The following RASGEF1C variants were observed in gnomAD, a reference collection of about 807,000 sequenced individuals.
RASGEF1C encodes the protein ras-GEF domain-containing family member 1C.
RASGEF1C carries 27 observed loss-of-function variants against 58.1 expected under a neutral mutation model. The ratio of observed to expected loss-of-function variants is 0.46; its 90% CI spans 0.34 to 0.64. RASGEF1C has a LOEUF of 0.64. Among genes scored for constraint, RASGEF1C ranks in the 30% least tolerant of loss-of-function variants. RASGEF1C has a pLI of 0.01. For missense variants in RASGEF1C, 502 were observed against 605.1 expected, an observed-to-expected ratio of 0.83 and a Z score of 1.79; for synonymous variants, 243 against 246.3, an observed-to-expected ratio of 0.99 and a Z score of 0.13.
intron 1 of RASGEF1C, among the ~76,000 whole-genome samples, chr5:180,173,632 T>C (rs1354106306): frequency 6.6e-6 from 1 of 152,188 alleles, no homozygotes; most frequent in Admixed American, 6.5e-5. Flanking sequence ...CTGGTGCAGT[T>C]GGCCGGGCAC....
At chr5:180,159,034 C>CT (rs1390100226) in intron 1 of RASGEF1C, among the ~76,000 whole-genome samples, 18 of 150,328 alleles carry the variant, frequency 1.2e-4, no homozygotes, top group South Asian at 4.2e-4. Flanking sequence ...TCTATGAGGT[C>CT]TTTTTTTTTG....
At chr5:180,115,615 G>A (rs1296850561) in intron 10 of RASGEF1C, among the ~76,000 whole-genome samples, 3 of 152,152 alleles carry the variant, frequency 2.0e-5, no homozygotes, top group African/African-American at 2.4e-5. Context: ...CACAGAGCCC[G>A]CTACTTATGC....
chr5:180,117,069 A>G (rs558494779), intron 10 of RASGEF1C, among the ~76,000 whole-genome samples: 5 of 152,328 alleles, frequency 3.3e-5, no homozygotes, highest in African/African-American at 1.2e-4. Context: ...GCTCAGTGAC[A>G]TGAGGTTCCT....
rs143472985 is a variant in RASGEF1C, at chr5:180,137,857, C to T, written c.177+19G>A. On this transcript the variant is annotated intron_variant, in intron 2 of 13. Coordinates refer to ENST00000361132, the MANE Select transcript of RASGEF1C (RefSeq NM_175062.4). This position sits in a 1 kb window ranked among gnomAD's most constrained non-coding sequence, Gnocchi z 4.1. Reference sequence around the variant, plus strand: ...GTGGAGGAGAGCCCACTCTCCTGCCCGCTGGGTGGATCACCCACCTCGGGG... The same window carrying T: ...GTGGAGGAGAGCCCACTCTCCTGCCTGCTGGGTGGATCACCCACCTCGGGG... 378 of 1,608,930 alleles carry T rather than the reference C, an allele frequency of 2.3e-4. No homozygotes were observed. In the East Asian group the frequency reaches 3.6e-3, roughly 15 times the overall value.
At chr5:180,178,763 T>C (rs920961062) in intron 1 of RASGEF1C, among the ~76,000 whole-genome samples, 3 of 151,502 alleles carry the variant, frequency 2.0e-5, no homozygotes, top group Non-Finnish European at 4.4e-5. Flanking sequence ...GTGGGCGGGG[T>C]CCTTATTGGC....
intron 1 of RASGEF1C, among the ~76,000 whole-genome samples, chr5:180,171,398 A>T (rs1025646322): frequency 6.6e-6 from 1 of 152,124 alleles, no homozygotes; most frequent in Admixed American, 6.5e-5. Flanking sequence ...CTCCTCCTAC[A>T]GCCCGGGGAA....
Position 180,118,840 on chromosome 5 carries a change from T to G in RASGEF1C, c.934A>C (p.Arg312=). 6.2e-7 allele frequency: 1 copy of G among 1,614,192 alleles called. No homozygotes were observed. The highest frequency in any genetic ancestry group is 8.5e-7 in the Non-Finnish European group (1 of 1,180,020). Residue 312 remains arginine, a synonymous_variant, in exon 9 of 14, where the codon AGG becomes CGG. Coordinates refer to ENST00000361132, the MANE Select transcript of RASGEF1C (RefSeq NM_175062.4). ...ACTTTGGCCCAGGTCTTCTTCAGCCTGGAGACAGGGCTCATGTTCATGCCG... is the reference window on the plus strand; with the variant it reads ...ACTTTGGCCCAGGTCTTCTTCAGCCGGGAGACAGGGCTCATGTTCATGCCG... ...ISGMNMSPVS[R]LKKTWAKVRT... is the part of the protein sequence containing the mutation.
chr5:180,136,817 A>AG (rs1481506230), intron 3 of RASGEF1C: 15 of 422,516 alleles, frequency 3.6e-5, no homozygotes, highest in East Asian at 3.3e-4. Context: ...ACCCTGCCCC[A>AG]GGGGTGGGTC....
At chr5:180,142,188 CTCTG>C (rs1345759246) in intron 1 of RASGEF1C, among the ~76,000 whole-genome samples, 2 of 152,072 alleles carry the variant, frequency 1.3e-5, no homozygotes, top group Non-Finnish European at 2.9e-5. Context: ...CCATTTCTCC[CTCTG>C]TCTGCCTCGT....
chr5:180,121,637 T>TCACACACACACACACACA (rs762495633), intron 6 of RASGEF1C, among the ~76,000 whole-genome samples: 123 of 113,342 alleles, frequency 1.1e-3, no homozygotes, highest in Middle Eastern at 4.2e-3. Context: ...AAATGTAACT[T>TCACACACACACACACACA]CACACACACA....
rs1766611926 is a variant in RASGEF1C, at chr5:180,143,313, C to T, written c.-6-5255G>A. Among the ~76,000 whole-genome samples the T allele has an allele frequency of 6.6e-6, 1 of 152,228 alleles. No homozygotes were observed. Among genetic ancestry groups the T allele is most frequent in the Non-Finnish European group, 1.5e-5 (1 of 68,038 alleles). ...GGCGCTGGCAAAGTTTCTGGGACAG[C>T]ATGGCCCCAGCCCAACCCCTCTATG... On this transcript the variant is annotated intron_variant, in intron 1 of 13. Coordinates refer to ENST00000361132, the MANE Select transcript of RASGEF1C (RefSeq NM_175062.4). This position sits in a 1 kb window ranked among gnomAD's most constrained non-coding sequence, Gnocchi z 4.3.
chr5:180,122,024 G>A (rs1241476693), intron 6 of RASGEF1C, among the ~76,000 whole-genome samples: 2 of 152,190 alleles, frequency 1.3e-5, no homozygotes, highest in Admixed American at 1.3e-4. Context: ...GAGAAAATGT[G>A]TGTGACATCA....
At position 180,101,473 on chromosome 5, in the gene RASGEF1C, C is replaced by T. The variant is rs775775120; in HGVS notation, c.*28G>A. The T allele has an allele frequency of 6.2e-7, 1 of 1,609,122 alleles. No homozygotes were observed. The highest frequency in any genetic ancestry group is 8.5e-7 in the Non-Finnish European group (1 of 1,179,858). ...TGTGGACGGCTTCTGCGGGCTCCAG[C>T]TCTTCCTCGTCCCTCAGCTCAGCGC... On this transcript the variant is annotated 3_prime_UTR_variant, in exon 14 of 14. Coordinates refer to ENST00000361132, the MANE Select transcript of RASGEF1C (RefSeq NM_175062.4).
At chr5:180,171,661 C>A (rs1767110911) in intron 1 of RASGEF1C, among the ~76,000 whole-genome samples, 1 of 152,210 alleles carries the variant, frequency 6.6e-6, no homozygotes, top group Non-Finnish European at 1.5e-5. Context: ...GAGTCTAGGG[C>A]AAAAATAGCC....
chr5:180,123,476 AAAT>A (rs1488599024), intron 6 of RASGEF1C, among the ~76,000 whole-genome samples: 3 of 152,246 alleles, frequency 2.0e-5, no homozygotes, highest in East Asian at 1.9e-4. Flanking sequence ...AAATTTTTTG[AAAT>A]AATCTATGTT....
chr5:180,195,679 G>A (rs940954855), intron 1 of RASGEF1C, among the ~76,000 whole-genome samples: 11 of 151,978 alleles, frequency 7.2e-5, no homozygotes, highest in South Asian at 4.2e-4. Context: ...GGAGAATGGC[G>A]TGAACCCGGG....
chr5:180,209,089 G>C lies in RASGEF1C; in HGVS notation c.-68C>G, dbSNP rs1282221249. The C allele has an allele frequency of 7.0e-6, 1 of 142,554 alleles. No individual in the cohort carries two copies. Among genetic ancestry groups the C allele is most frequent in the African/African-American group, 2.5e-5 (1 of 39,946 alleles). 8.8% of individuals were successfully genotyped at this position (142,554 alleles called of 1,614,324 possible). ...TGGGCAGCTCCCGGTGCGAGCCTCG[G>C]CGCCGCGGACCGGGGCGCCGCCCGC... On this transcript the variant is annotated 5_prime_UTR_variant, in exon 1 of 14. Transcript: ENST00000361132.
chr5:180,133,139 C>T (rs962826158), intron 4 of RASGEF1C, among the ~76,000 whole-genome samples: 2 of 152,258 alleles, frequency 1.3e-5, no homozygotes, highest in Middle Eastern at 3.4e-3. Context: ...ACTACTGCGT[C>T]CAACCTACCG....
At chr5:180,123,460 CTT>C (rs1299644854) in intron 6 of RASGEF1C, among the ~76,000 whole-genome samples, 1 of 152,042 alleles carries the variant, frequency 6.6e-6, no homozygotes, top group Non-Finnish European at 1.5e-5. Context: ...TGTTCAGAAA[CTT>C]AAAAAATTTT....
Sources: gnomAD v4.1 joint callset for allele counts (sites outside exome capture counted in the v4.1 genomes callset) on GRCh38, gnomAD v4.1.1 for gene constraint, Gnocchi (gnomAD v3.1) non-coding constraint, MANE v1.5 for transcripts, NCBI Gene and HGNC (gene_info 2026-07-23, HGNC 2026-07-21) for gene names.